The following DNAI3 variants were observed in gnomAD, a reference collection of about 807,000 sequenced individuals.
DNAI3 encodes the protein dynein axonemal intermediate chain 3.
DNAI3 carries 83 observed loss-of-function variants against 115.5 expected under a neutral mutation model. The ratio of observed to expected loss-of-function variants is 0.72; its 90% CI spans 0.60 to 0.86. The LOEUF is 0.86. Among genes scored for constraint, DNAI3 ranks in the 40% least tolerant of loss-of-function variants. The pLI is 0.00. For missense variants in DNAI3, 1,004 were observed against 1,075.8 expected, an observed-to-expected ratio of 0.93 and a Z score of 0.93; for synonymous variants, 320 against 347.0, an observed-to-expected ratio of 0.92 and a Z score of 0.86.
intron 16 of DNAI3, among the ~76,000 whole-genome samples, chr1:85,114,255 CA>C (rs1258913497): frequency 2.6e-5 from 4 of 152,074 alleles, no homozygotes; most frequent in African/African-American, 9.7e-5. Context: ...TCAGGTAATC[CA>C]CCTGCCTTGG....
intron 13 of DNAI3, among the ~76,000 whole-genome samples, chr1:85,099,931 G>C (rs1429391266): frequency 6.6e-6 from 1 of 152,140 alleles, no homozygotes; most frequent in Non-Finnish European, 1.5e-5. Context: ...GTAGAAAGCT[G>C]AAACTGGATC....
chr1:85,082,491 G>A (rs996458645), intron 5 of DNAI3, 87 bp downstream of exon 5: 18 of 1,049,818 alleles, frequency 1.7e-5, no homozygotes, highest in Non-Finnish European at 2.6e-5. Context: ...TGTCACCCAG[G>A]CTAGAGTGCA....
At chr1:85,114,257 C>T (rs910367600) in intron 16 of DNAI3, among the ~76,000 whole-genome samples, 4 of 152,152 alleles carry the variant, frequency 2.6e-5, no homozygotes, top group African/African-American at 9.7e-5. Flanking sequence ...AGGTAATCCA[C>T]CTGCCTTGGC....
chr1:85,072,048 T>G, intron 2 of DNAI3, 43 bp downstream of exon 2: 1 of 1,558,174 alleles, frequency 6.4e-7, no homozygotes, highest in Non-Finnish European at 8.7e-7. Flanking sequence ...TGTGGAGTAT[T>G]TGTGTATATA....
At chr1:85,108,985 ATT>A (rs1476087081) in intron 15 of DNAI3, among the ~76,000 whole-genome samples, 3 of 152,188 alleles carry the variant, frequency 2.0e-5, no homozygotes. Context: ...TGTAGCCAAA[ATT>A]CTGCCTATCA....
chr1:85,062,686 A>T (rs1368119449), intron 1 of DNAI3, among the ~76,000 whole-genome samples, 200 bp downstream of exon 1: 2 of 152,190 alleles, frequency 1.3e-5, no homozygotes, highest in Non-Finnish European at 2.9e-5. Flanking sequence ...GAGAGCAGTT[A>T]ACGACACTCT....
chr1:85,080,321 G>A (rs566940172), intron 3 of DNAI3, among the ~76,000 whole-genome samples: 4 of 152,212 alleles, frequency 2.6e-5, no homozygotes, highest in Middle Eastern at 3.4e-3. Flanking sequence ...GTCAGCCACC[G>A]CGCCCAGCTT....
rs58308443 is a variant in DNAI3, at chr1:85,092,794, TACACACACACACACAC to T, written c.858-637_858-622del. ...TCCCAGGCATTGTGACAACTAAAACTACACACACACACACACACACACACACACACACACACACACA... is the reference window on the plus strand; with the variant it reads ...TCCCAGGCATTGTGACAACTAAAACTACACACACACACACACACACACACA... On this transcript the variant is annotated intron_variant, in intron 8 of 22. Coordinates refer to ENST00000294664, the MANE Select transcript of DNAI3 (RefSeq NM_145172.5). Among the ~76,000 whole-genome samples, 1,344 of 145,166 alleles carry T rather than the reference TACACACACACACACAC, an allele frequency of 9.3e-3. 25 individuals are homozygous for T. The highest frequency in any genetic ancestry group is 0.031 in the African/African-American group (1,207 of 38,960).
At chr1:85,094,744 T>C (rs1287488476) in intron 10 of DNAI3, among the ~76,000 whole-genome samples, 189 bp downstream of exon 10, 2 of 152,258 alleles carry the variant, frequency 1.3e-5, no homozygotes, top group African/African-American at 4.8e-5. Flanking sequence ...AATTTGTTTA[T>C]TGAACAAATC....
At chr1:85,098,713 T>A (rs1176383563) in intron 13 of DNAI3, 55 bp downstream of exon 13, 1 of 1,591,028 alleles carries the variant, frequency 6.3e-7, no homozygotes, top group Non-Finnish European at 8.5e-7. Flanking sequence ...TTTTCAGATT[T>A]TATGCAAAGA....
intron 1 of DNAI3, among the ~76,000 whole-genome samples, chr1:85,064,096 A>G (rs557042835): frequency 2.0e-4 from 31 of 152,360 alleles, no homozygotes; most frequent in African/African-American, 7.5e-4. Context: ...TTTAAAAAAT[A>G]TTTTAATAAC....
At position 85,067,549 on chromosome 1, in the gene DNAI3, C is replaced by T. The variant is rs186275303; in HGVS notation, c.-14-4379C>T. Among the ~76,000 whole-genome samples, 6 of 152,254 alleles carry T rather than the reference C, an allele frequency of 3.9e-5. 1 individual carries two copies. In the East Asian group the frequency reaches 5.8e-4, roughly 15 times the overall value. On this transcript the variant is annotated intron_variant, in intron 1 of 22. Transcript: ENST00000294664. ...ATACCTGTATTCAAGTTTAATTCTA[C>T]GGCAGCACTTCTTAATTCCTGGAAC...
At chr1:85,118,637 A>G (rs759125370) in intron 17 of DNAI3, among the ~76,000 whole-genome samples, 6 of 152,288 alleles carry the variant, frequency 3.9e-5, no homozygotes, top group Non-Finnish European at 8.8e-5. Context: ...CAATTCCACA[A>G]GCTCTGGAGA....
rs1183767671 is a variant in DNAI3, at chr1:85,073,072, C to G, written c.83C>G (p.Pro28Arg). ...PVLAASEDME[P>R]VNMESMGHPE... Reference sequence around the variant, plus strand: ...ATTCTAGCTAGTGAAGACATGGAACCAGTAAATATGGAGAGCATGGGTAAG... The same window carrying G: ...ATTCTAGCTAGTGAAGACATGGAACGAGTAAATATGGAGAGCATGGGTAAG... The change falls in exon 3 of 23, where the codon CCA (proline) becomes CGA (arginine). Residue 28 changes from proline (P) to arginine (R), a missense_variant. Pro to Arg is a moderately radical substitution (Grantham distance 103, BLOSUM62 -2). Coordinates refer to ENST00000294664, the MANE Select transcript of DNAI3 (RefSeq NM_145172.5). 1.3e-6 allele frequency: 2 copies of G among 1,550,538 alleles called. No individual in the cohort carries two copies. Among genetic ancestry groups the G allele is most frequent in the South Asian group, 2.6e-5 (2 of 77,582 alleles).
chr1:85,130,742 GAA>G (rs988158345), intron 22 of DNAI3, among the ~76,000 whole-genome samples: 1 of 152,110 alleles, frequency 6.6e-6, no homozygotes, highest in African/African-American at 2.4e-5. Context: ...GGGGTAGAGA[GAA>G]AGAGGTGAAT....
chr1:85,083,313 C>T (rs769944127), intron 5 of DNAI3, among the ~76,000 whole-genome samples: 6 of 152,018 alleles, frequency 3.9e-5, no homozygotes, highest in South Asian at 4.2e-4. Flanking sequence ...ATGGCAAGAC[C>T]CTGCCACCGC....
intron 17 of DNAI3, among the ~76,000 whole-genome samples, chr1:85,121,529 A>G (rs1655994517): frequency 1.3e-5 from 2 of 152,358 alleles, no homozygotes; most frequent in Admixed American, 6.5e-5. Flanking sequence ...TCTCCACATC[A>G]TTATATGTGG....
chr1:85,102,244 T>G (rs1655349087), intron 13 of DNAI3, among the ~76,000 whole-genome samples: 1 of 152,116 alleles, frequency 6.6e-6, no homozygotes, highest in Non-Finnish European at 1.5e-5. Context: ...ATATTATTAC[T>G]TAAGGTAATG....
At chr1:85,067,668 C>A (rs531546517) in intron 1 of DNAI3, among the ~76,000 whole-genome samples, 15 of 152,260 alleles carry the variant, frequency 9.9e-5, no homozygotes, top group African/African-American at 3.4e-4. Flanking sequence ...CCTGGATTAT[C>A]TAGGTAGGCC....
Sources: gnomAD v4.1 joint callset for allele counts (sites outside exome capture counted in the v4.1 genomes callset) on GRCh38, gnomAD v4.1.1 for gene constraint, MANE v1.5 for transcripts, NCBI Gene and HGNC (gene_info 2026-07-23, HGNC 2026-07-21) for gene names.